The following RBFOX1 variants were observed in gnomAD, a reference collection of about 807,000 sequenced individuals.
RBFOX1 encodes RNA binding fox-1 homolog 1.
RBFOX1 carries 8 observed loss-of-function variants against 57.7 expected under a neutral mutation model. That is an observed-to-expected ratio of 0.14 (90% confidence interval 0.08 to 0.25). The LOEUF is 0.25. Ranked by LOEUF, RBFOX1 falls within the 10% of genes least tolerant of loss-of-function variation. The pLI is 1.00. For synonymous variants in RBFOX1, 326 were observed against 222.4 expected (o/e 1.47, Z -4.15); for missense variants, 611 against 548.5 (o/e 1.11, Z -1.14).
chr16:5,903,607 C>T (rs1053116593), intron 4 of RBFOX1, among the ~76,000 whole-genome samples: 4 of 152,096 alleles, frequency 2.6e-5, no homozygotes, highest in South Asian at 2.1e-4. Context: ...GAGTGGTTTG[C>T]CCCCATTAGA....
At chr16:6,949,929 G>T (rs1480741535) in intron 3 of RBFOX1, among the ~76,000 whole-genome samples, 1 of 135,384 alleles carries the variant, frequency 7.4e-6, no homozygotes, top group African/African-American at 2.9e-5. Flanking sequence ...CTCCTTCCCT[G>T]AGTACGTTTT....
intron 3 of RBFOX1, among the ~76,000 whole-genome samples, chr16:6,803,616 C>G (rs1056505346): frequency 1.3e-5 from 2 of 152,242 alleles, no homozygotes; most frequent in African/African-American, 2.4e-5. Flanking sequence ...AACAGGATTC[C>G]TAAACCGAAT....
chr16:7,034,745 T>C (rs1280586566), intron 3 of RBFOX1, among the ~76,000 whole-genome samples: 2 of 151,270 alleles, frequency 1.3e-5, no homozygotes, highest in Middle Eastern at 3.5e-3. Flanking sequence ...TATTGTGAAT[T>C]ACCTGGGGTT....
chr16:5,485,122 G>A (rs1369958770), intron 2 of RBFOX1, among the ~76,000 whole-genome samples: 3 of 151,758 alleles, frequency 2.0e-5, no homozygotes, highest in Non-Finnish European at 2.9e-5. Context: ...CGAGGCGGGC[G>A]GATGACGAGG....
chr16:6,586,790 A>G (rs2097628784), intron 2 of RBFOX1, among the ~76,000 whole-genome samples: 1 of 152,160 alleles, frequency 6.6e-6, no homozygotes, highest in Non-Finnish European at 1.5e-5. Context: ...TACCCATCCT[A>G]AGAAGCAGGG....
chr16:7,533,043 C>T (rs1032477953), intron 5 of RBFOX1, among the ~76,000 whole-genome samples: 1 of 152,178 alleles, frequency 6.6e-6, no homozygotes, highest in African/African-American at 2.4e-5. Flanking sequence ...CAAAACATGG[C>T]AGCTAATGTT....
intron 3 of RBFOX1, among the ~76,000 whole-genome samples, chr16:6,945,402 T>A (rs1348467280): frequency 1.3e-5 from 2 of 148,496 alleles, no homozygotes; most frequent in African/African-American, 4.8e-5. Context: ...CATTTCTAGA[T>A]GGCCATGCAG....
At chr16:6,861,192 C>G (rs2058927151) in intron 3 of RBFOX1, among the ~76,000 whole-genome samples, 1 of 152,156 alleles carries the variant, frequency 6.6e-6, no homozygotes, top group Non-Finnish European at 1.5e-5. Context: ...AAGAGTGCAT[C>G]TGAACAGCTA....
intron 3 of RBFOX1, among the ~76,000 whole-genome samples, chr16:6,720,668 CAT>C (rs754764520): frequency 1.6e-4 from 24 of 152,290 alleles, no homozygotes; most frequent in South Asian, 1.2e-3. Flanking sequence ...GAGAAGGAGA[CAT>C]GTGTCAGGAA....
At chr16:7,056,180 C>A (rs1054396393) in intron 4 of RBFOX1, among the ~76,000 whole-genome samples, 1 of 152,150 alleles carries the variant, frequency 6.6e-6, no homozygotes, top group African/African-American at 2.4e-5. Context: ...GTCCCCTACC[C>A]TTCCCCAAAG....
At chr16:7,551,934 A>T (rs533409800) in intron 5 of RBFOX1, among the ~76,000 whole-genome samples, 1 of 152,250 alleles carries the variant, frequency 6.6e-6, no homozygotes, top group Admixed American at 6.5e-5. Context: ...TATGTGACAA[A>T]CCCTAGGAGG....
intron 4 of RBFOX1, among the ~76,000 whole-genome samples, chr16:7,204,453 G>A (rs1449882243): frequency 6.6e-6 from 1 of 152,130 alleles, no homozygotes; most frequent in African/African-American, 2.4e-5. Flanking sequence ...ACCAGCCTAA[G>A]CAACATAGTA....
In RBFOX1 at chr16:6,540,409, C is replaced by T. The variant is rs866493251; in HGVS notation, c.-63-114194C>T. Among the ~76,000 whole-genome samples, 9 of 151,508 alleles carry T rather than the reference C, an allele frequency of 5.9e-5. No individual in the cohort carries two copies. In the South Asian group the frequency reaches 6.2e-4, roughly 11 times the overall value. On this transcript the variant is annotated intron_variant, in intron 2 of 15. Transcript: ENST00000550418. Reference sequence around the variant, plus strand: ...TGGGTGGGTTACAAGGTCAGGAGATCGAGACTATCCTGGCCAACATGGTAA... The same window carrying T: ...TGGGTGGGTTACAAGGTCAGGAGATTGAGACTATCCTGGCCAACATGGTAA...
chr16:7,402,528 C>T (rs1482604450), intron 4 of RBFOX1, among the ~76,000 whole-genome samples: 6 of 152,160 alleles, frequency 3.9e-5, no homozygotes, highest in South Asian at 2.1e-4. Flanking sequence ...AGGAGGTCAT[C>T]GTTGGGAACA....
intron 1 of RBFOX1, among the ~76,000 whole-genome samples, chr16:6,303,805 CTTTTTTTTT>C (rs1177185329): frequency 4.3e-5 from 3 of 70,410 alleles, no homozygotes; most frequent in East Asian, 5.6e-4. Context: ...GAAACCCTGT[CTTTTTTTTT>C]TTTTTTTTTT....
intron 3 of RBFOX1, among the ~76,000 whole-genome samples, chr16:6,799,956 C>G (rs915881114): frequency 8.5e-5 from 13 of 152,132 alleles, no homozygotes; most frequent in Non-Finnish European, 1.6e-4. Flanking sequence ...TGATGTGAGT[C>G]AATTCTCCTT....
At chr16:6,897,276 G>C (rs907956192) in intron 3 of RBFOX1, among the ~76,000 whole-genome samples, 1 of 152,160 alleles carries the variant, frequency 6.6e-6, no homozygotes, top group African/African-American at 2.4e-5. Flanking sequence ...ACAAAAATTA[G>C]CTTGTAAGCC....
chr16:6,332,903 T>C (rs1206877185), intron 2 of RBFOX1, among the ~76,000 whole-genome samples: 1 of 152,160 alleles, frequency 6.6e-6, no homozygotes, highest in Non-Finnish European at 1.5e-5. Flanking sequence ...ACATAGATGA[T>C]CAATATATTA....
intron 2 of RBFOX1, among the ~76,000 whole-genome samples, chr16:5,479,956 AC>A (rs770789782): frequency 2.0e-5 from 3 of 150,224 alleles, no homozygotes; most frequent in Non-Finnish European, 4.4e-5. Flanking sequence ...CTTTCTCCCC[AC>A]CCTCCAGCCC....
Sources: allele counts gnomAD v4.1 joint callset (sites outside exome capture counted in the v4.1 genomes callset), GRCh38; gene constraint gnomAD v4.1.1; transcripts MANE v1.5; gene names NCBI Gene and HGNC (gene_info 2026-07-23, HGNC 2026-07-21).